KAT2B: variants seen among roughly 807,000 people sequenced by gnomAD.
The protein encoded by KAT2B is histone acetyltransferase KAT2B.
KAT2B carries 36 observed loss-of-function variants against 105.9 expected under a neutral mutation model. That is an observed-to-expected ratio of 0.34 (90% CI 0.26 to 0.45). The LOEUF is 0.45. Among genes scored for constraint, KAT2B ranks in the 20% least tolerant of loss-of-function variants. The pLI is 1.00. For missense variants in KAT2B, 820 were observed against 1,021.6 expected, an observed-to-expected ratio of 0.80 and a Z score of 2.69; for synonymous variants, 397 against 377.9, an observed-to-expected ratio of 1.05 and a Z score of -0.59.
intron 2 of KAT2B, among the ~76,000 whole-genome samples, chr3:20,078,631 G>A (rs1273056997): frequency 2.0e-5 from 3 of 151,432 alleles, no homozygotes; most frequent in Non-Finnish European, 4.4e-5. Context: ...TGCCCACCTC[G>A]GCCTCCCGAA....
At chr3:20,041,133 G>T (rs921069199) in intron 1 of KAT2B, among the ~76,000 whole-genome samples, 30 of 152,226 alleles carry the variant, frequency 2.0e-4, no homozygotes, top group Admixed American at 3.9e-4. Flanking sequence ...TCCATGTGGC[G>T]GGTGACCCAG....
chr3:20,134,906 CAT>C (rs200913277), intron 11 of KAT2B, among the ~76,000 whole-genome samples: 1,762 of 152,144 alleles, frequency 0.012, 18 homozygotes, highest in Non-Finnish European at 0.017. Context: ...AAATTATTGT[CAT>C]ATCAACATGT....
Position 20,126,341 on chromosome 3 carries a change from G to A in KAT2B, c.1622+228G>A, listed in dbSNP as rs967508280. 9.9e-5 allele frequency among the ~76,000 whole-genome samples: 15 copies of A among 152,024 alleles called. No individual in the cohort carries two copies. In the South Asian group the frequency reaches 2.9e-3, roughly 29 times the overall value. On this transcript the variant is annotated intron_variant, in intron 10 of 17. Coordinates refer to ENST00000263754, the MANE Select transcript of KAT2B (RefSeq NM_003884.5). ...ATGATGAAACTTTATATTTTACATTGCTGATGACTCTCCTGTGCTTCATTC... is the reference window on the plus strand; with the variant it reads ...ATGATGAAACTTTATATTTTACATTACTGATGACTCTCCTGTGCTTCATTC...
At chr3:20,123,183 C>T (rs372624950) in intron 9 of KAT2B, among the ~76,000 whole-genome samples, 63 of 152,294 alleles carry the variant, frequency 4.1e-4, no homozygotes, top group African/African-American at 1.5e-3. Flanking sequence ...TGCGCCTCCC[C>T]ATATGCTCTT....
intron 2 of KAT2B, among the ~76,000 whole-genome samples, chr3:20,089,659 C>T (rs1308215972): frequency 1.3e-5 from 2 of 152,136 alleles, no homozygotes; most frequent in East Asian, 3.8e-4. Context: ...CTCAGCCTCC[C>T]AAAGTGCTGG....
At chr3:20,086,150 T>C (rs201015820) in intron 2 of KAT2B, among the ~76,000 whole-genome samples, 201 of 151,924 alleles carry the variant, frequency 1.3e-3, no homozygotes, top group African/African-American at 4.5e-3. Flanking sequence ...TATGCACCTG[T>C]AGTCCCAGCT....
chr3:20,125,105 G>A (rs545795880), intron 9 of KAT2B, among the ~76,000 whole-genome samples: 2 of 152,148 alleles, frequency 1.3e-5, no homozygotes, highest in South Asian at 2.1e-4. Flanking sequence ...GGCAGATCAC[G>A]AGGTCAGGAG....
intron 1 of KAT2B, among the ~76,000 whole-genome samples, chr3:20,067,243 A>G (rs1698238984): frequency 6.6e-6 from 1 of 152,226 alleles, no homozygotes; most frequent in Non-Finnish European, 1.5e-5. Flanking sequence ...ATTTTTAAGC[A>G]TCAGTGTTTA....
intron 1 of KAT2B, among the ~76,000 whole-genome samples, chr3:20,050,217 A>G (rs1697891432): frequency 6.6e-6 from 1 of 150,448 alleles, no homozygotes; most frequent in African/African-American, 2.4e-5. Flanking sequence ...AAAAAAAAAG[A>G]TTTAGAAGTC....
intron 7 of KAT2B, among the ~76,000 whole-genome samples, chr3:20,118,441 G>A (rs1699246891): frequency 1.3e-5 from 2 of 150,204 alleles, no homozygotes; most frequent in African/African-American, 4.9e-5. Context: ...TATAGGCCAG[G>A]CGTGGTGGCT....
chr3:20,126,172 C>A, intron 10 of KAT2B, 59 bp downstream of exon 10: 1 of 1,406,464 alleles, frequency 7.1e-7, no homozygotes, highest in Non-Finnish European at 9.8e-7. Flanking sequence ...AGAGGAACTG[C>A]TTAGATAGTG....
chr3:20,047,705 C>T (rs762823707), intron 1 of KAT2B, among the ~76,000 whole-genome samples: 8 of 150,908 alleles, frequency 5.3e-5, no homozygotes, highest in Admixed American at 2.0e-4. Context: ...CTCCACCTCC[C>T]GGGTTCAAGC....
intron 13 of KAT2B, among the ~76,000 whole-genome samples, chr3:20,145,288 C>G (rs1699765142): frequency 6.6e-6 from 1 of 152,064 alleles, no homozygotes. Context: ...ACATGCGTGG[C>G]TTGTATTATG....
intron 4 of KAT2B, chr3:20,100,974 C>G: frequency 2.9e-6 from 1 of 341,092 alleles, no homozygotes; most frequent in Non-Finnish European, 5.4e-6. Flanking sequence ...GCACAACAGT[C>G]ATATTTTCTT....
intron 5 of KAT2B, among the ~76,000 whole-genome samples, chr3:20,103,162 T>C (rs981825156): frequency 6.6e-6 from 1 of 152,188 alleles, no homozygotes; most frequent in Non-Finnish European, 1.5e-5. Context: ...TTAACAATAG[T>C]TCTGTATTAT....
rs1268271378 is a variant in KAT2B at position 20,128,948 on chromosome 3, A to G, written c.1749+1399A>G. Among the ~76,000 whole-genome samples, 4 of 145,176 alleles carry G rather than the reference A, an allele frequency of 2.8e-5. No individual in the cohort carries two copies. In the South Asian group the frequency reaches 8.8e-4, roughly 32 times the overall value. ...CTTGAACCCGGGAGGCGGAGGTTGC[A>G]GTGAGCCAAGATCACAGCACTGCAC... On this transcript the variant is annotated intron_variant, in intron 11 of 17. Coordinates refer to ENST00000263754, the MANE Select transcript of KAT2B (RefSeq NM_003884.5).
chr3:20,098,234 TAA>T (rs11403508), intron 3 of KAT2B, among the ~76,000 whole-genome samples: 2 of 143,240 alleles, frequency 1.4e-5, no homozygotes, highest in Admixed American at 7.0e-5. Context: ...CGTCCCAAAT[TAA>T]AAAAAAAAAA....
In KAT2B at chr3:20,139,876, T is replaced by C. The variant is rs529288814; in HGVS notation, c.1861-345T>C. On this transcript the variant is annotated intron_variant, in intron 12 of 17. Transcript: ENST00000263754. ...TTTGCTGAGAATCCTGGGGACCCCC[T>C]CACCACTTTTGGAGAAATTTGCAAC... Among the ~76,000 whole-genome samples, 10 of 152,340 alleles carry C rather than the reference T, an allele frequency of 6.6e-5. No individual in the cohort carries two copies. The South Asian group carries it at 2.1e-3, about 32-fold the overall frequency.
chr3:20,044,770 T>C (rs1440942823), intron 1 of KAT2B, among the ~76,000 whole-genome samples: 1 of 152,202 alleles, frequency 6.6e-6, no homozygotes, highest in African/African-American at 2.4e-5. Context: ...CTCTTCCTGG[T>C]GCTTATATTA....
Sources: gnomAD v4.1 joint callset for allele counts (sites outside exome capture counted in the v4.1 genomes callset) on GRCh38, gnomAD v4.1.1 for gene constraint, MANE v1.5 for transcripts, NCBI Gene and HGNC (gene_info 2026-07-23, HGNC 2026-07-21) for gene names.